Variants in COL11A1 observed in about 807,000 individuals in gnomAD.
The protein encoded by COL11A1 is collagen type XI alpha 1 chain, also known as collagen alpha-1(XI) chain.
A neutral mutation model predicts 265.2 loss-of-function variants in COL11A1; 74 were observed. The observed-to-expected ratio is 0.28, with a 90% confidence interval of 0.23 to 0.34. The LOEUF (loss-of-function observed/expected upper bound fraction) is 0.34. Ranked by LOEUF, COL11A1 falls within the 10% of genes least tolerant of loss-of-function variation. COL11A1 has a pLI of 1.00. For synonymous variants in COL11A1, 816 were observed against 727.6 expected (o/e 1.12, Z -1.96); for missense variants, 2,165 against 2,263.6 (o/e 0.96, Z 0.88).
At chr1:102,983,015 G>C (rs71664950) in intron 31 of COL11A1, among the ~76,000 whole-genome samples, 1 of 151,838 alleles carries the variant, frequency 6.6e-6, no homozygotes, top group Non-Finnish European at 1.5e-5. Context: ...AAACTATCCC[G>C]CACTTCTCTG....
intron 54 of COL11A1, among the ~76,000 whole-genome samples, chr1:102,899,284 C>T (rs1441638652): frequency 6.6e-6 from 1 of 151,904 alleles, no homozygotes; most frequent in Non-Finnish European, 1.5e-5. Flanking sequence ...TTAAAATCGC[C>T]ACCCTGAGTG....
At chr1:103,023,362 TTTTC>T (rs1411112294) in intron 7 of COL11A1, among the ~76,000 whole-genome samples, 10 of 149,864 alleles carry the variant, frequency 6.7e-5, no homozygotes, top group Non-Finnish European at 1.3e-4. Flanking sequence ...CTTAATGTTT[TTTTC>T]TTTCTTTTTT....
intron 4 of COL11A1, among the ~76,000 whole-genome samples, chr1:103,060,754 G>T (rs1226608984): frequency 1.3e-5 from 2 of 151,998 alleles, no homozygotes; most frequent in Non-Finnish European, 2.9e-5. Context: ...TTGAACCCAG[G>T]AGTTTGAGAC....
At chr1:103,069,544 T>C (rs1671409612) in intron 4 of COL11A1, among the ~76,000 whole-genome samples, 1 of 151,512 alleles carries the variant, frequency 6.6e-6, no homozygotes, top group Non-Finnish European at 1.5e-5. Context: ...ACAAAATTGA[T>C]AAATTAAACT....
chr1:102,996,991 G>A lies in COL11A1; in HGVS notation c.2241+89C>T, dbSNP rs2622869. On this transcript the variant is annotated intron_variant, in intron 26 of 66. Transcript: ENST00000370096. Reference sequence around the variant, plus strand: ...TTATACCCAAAATAACTATATGAACGTGATTTATATATATGAGATGACCAA... The same window carrying A: ...TTATACCCAAAATAACTATATGAACATGATTTATATATATGAGATGACCAA... The A allele has an allele frequency of 0.028, 29,832 of 1,050,524 alleles. 706 individuals carry two copies. Among genetic ancestry groups the A allele is most frequent in the African/African-American group, 0.1 (6,375 of 63,554 alleles). The allele number at this position is 1,050,524 out of a possible 1,614,324, so 65.1% of individuals were successfully genotyped here. A position where few individuals can be genotyped will look rare whatever the true frequency, so the allele number is the denominator to read the frequency against.
chr1:102,906,459 GTA>G lies in COL11A1; in HGVS notation c.4086+5698_4086+5699del, dbSNP rs1557801829. On this transcript the variant is annotated intron_variant, in intron 54 of 66. Coordinates refer to ENST00000370096, the MANE Select transcript of COL11A1 (RefSeq NM_001854.4). ...GTCTCCCTCTGTTGTTCAGATTGGA[GTA>G]CAGTAGAACAATCATGACTCACTGC... is the stretch of plus-strand genomic sequence containing the variant. Among the ~76,000 whole-genome samples the G allele has an allele frequency of 2.6e-5, 4 of 152,098 alleles. No individual in the cohort carries two copies. In the East Asian group the frequency reaches 7.7e-4, roughly 29 times the overall value.
intron 2 of COL11A1, among the ~76,000 whole-genome samples, chr1:103,079,242 G>A (rs911692233): frequency 2.6e-5 from 4 of 151,970 alleles, no homozygotes; most frequent in Admixed American, 2.6e-4. Flanking sequence ...TGTCTAGTCC[G>A]TAGCCATACA....
chr1:102,976,292 T>TTTTTC (rs1662474910), intron 35 of COL11A1, among the ~76,000 whole-genome samples: 1 of 50,976 alleles, frequency 2.0e-5, no homozygotes, highest in Non-Finnish European at 3.5e-5. Flanking sequence ...ACGTTGGCTT[T>TTTTTC]TTTTTTTTTT....
At position 102,965,863 on chromosome 1, in the gene COL11A1, TA is replaced by T. The variant is rs1661355122; in HGVS notation, c.2863-324del. ...AACCCAGTAATGTTTATGGATGAAG[TA>T]AATGATGATTTAGACATTCTTTGAA... On this transcript the variant is annotated intron_variant, in intron 37 of 66. Transcript: ENST00000370096. Among the ~76,000 whole-genome samples the T allele has an allele frequency of 2.0e-5, 3 of 152,292 alleles. No individual in the cohort carries two copies. The South Asian group carries it at 6.2e-4, about 32-fold the overall frequency.
chr1:102,969,752 T>C (rs191402894), intron 37 of COL11A1, among the ~76,000 whole-genome samples: 1 of 152,318 alleles, frequency 6.6e-6, no homozygotes, highest in East Asian at 1.9e-4. Context: ...CAACCAGTTA[T>C]AGCCGATGGG....
intron 1 of COL11A1, among the ~76,000 whole-genome samples, chr1:103,094,130 A>G (rs1355328836): frequency 1.3e-5 from 2 of 151,996 alleles, no homozygotes; most frequent in East Asian, 1.9e-4. Context: ...GTGGATATGG[A>G]AAAAAAATGT....
chr1:103,008,934 G>A (rs1665880795), intron 14 of COL11A1, among the ~76,000 whole-genome samples: 1 of 152,116 alleles, frequency 6.6e-6, no homozygotes, highest in South Asian at 2.1e-4. Flanking sequence ...TTGACAAAAT[G>A]TTACTGCTTT....
intron 46 of COL11A1, among the ~76,000 whole-genome samples, chr1:102,929,689 G>A (rs954738020): frequency 1.6e-4 from 25 of 151,936 alleles, no homozygotes; most frequent in African/African-American, 5.6e-4. Context: ...GGGCAGTATG[G>A]CCATTTTCAT....
Position 102,921,580 on chromosome 1 carries a change from G to A in COL11A1, c.3655-9C>T. The A allele has an allele frequency of 1.2e-6, 2 of 1,609,778 alleles. No homozygotes were observed. Among genetic ancestry groups the A allele is most frequent in the Non-Finnish European group, 1.7e-6 (2 of 1,177,536 alleles). ...GGAGGACCAGGTGGCCCCTGTAAGA[G>A]AGAAATATTGAGGTTTACAAAGACC... On this transcript the variant is annotated splice_polypyrimidine_tract_variant and intron_variant, in intron 47 of 66. Coordinates refer to ENST00000370096, the MANE Select transcript of COL11A1 (RefSeq NM_001854.4).
At chr1:103,004,386 C>T in intron 20 of COL11A1, 58 bp downstream of exon 20, 2 of 1,221,928 alleles carry the variant, frequency 1.6e-6, no homozygotes, top group Non-Finnish European at 2.4e-6. Flanking sequence ...TGTGTAACAC[C>T]AGTCACTAGT....
intron 29 of COL11A1, among the ~76,000 whole-genome samples, chr1:102,988,729 C>T (rs1250735738): frequency 1.3e-5 from 2 of 151,958 alleles, no homozygotes; most frequent in Admixed American, 1.3e-4. Flanking sequence ...TTTTAATGCA[C>T]CTGTGTTATA....
chr1:102,892,498 C>T (rs969644913), intron 57 of COL11A1, among the ~76,000 whole-genome samples: 1 of 152,136 alleles, frequency 6.6e-6, no homozygotes, highest in Non-Finnish European at 1.5e-5. Context: ...AGATACCAAA[C>T]TCTCTTCTTA....
intron 4 of COL11A1, among the ~76,000 whole-genome samples, chr1:103,065,061 T>C (rs1029851834): frequency 6.6e-6 from 1 of 151,942 alleles, no homozygotes; most frequent in Admixed American, 6.6e-5. Flanking sequence ...TAATGATGAG[T>C]CAATGTAGTT....
chr1:102,932,111 A>C (rs1018191872), intron 46 of COL11A1, among the ~76,000 whole-genome samples: 1 of 149,736 alleles, frequency 6.7e-6, no homozygotes, highest in Admixed American at 6.7e-5. Flanking sequence ...TAATATTGTT[A>C]TGTGTGAATT....
Sources: gnomAD v4.1 joint callset for allele counts (sites outside exome capture counted in the v4.1 genomes callset) on GRCh38, gnomAD v4.1.1 for gene constraint, MANE v1.5 for transcripts, NCBI Gene and HGNC (gene_info 2026-07-23, HGNC 2026-07-21) for gene names.